Variants in CROCC observed in about 807,000 individuals in gnomAD.
The protein encoded by CROCC is rootletin.
CROCC carries 180 observed loss-of-function variants against 245.2 expected under a neutral mutation model. The observed-to-expected ratio is 0.73, with a 90% CI of 0.65 to 0.83. The LOEUF is 0.83. Ranked by LOEUF, CROCC falls within the 40% of genes least tolerant of loss-of-function variation. The pLI is 0.00. For missense variants in CROCC, 2,688 were observed against 2,779.4 expected (o/e 0.97, Z 0.74); for synonymous variants, 1,205 against 1,241.6 (o/e 0.97, Z 0.62).
At chr1:16,955,055 G>T (rs1426549500) in intron 23 of CROCC, among the ~76,000 whole-genome samples, 178 bp downstream of exon 23, 1 of 152,210 alleles carries the variant, frequency 6.6e-6, no homozygotes, top group Non-Finnish European at 1.5e-5. Context: ...GTACAGGTGG[G>T]ATTTGGCCTC....
At chr1:16,939,221 C>A (rs576719506) in intron 12 of CROCC, 79 bp downstream of exon 12, 1 of 561,564 alleles carries the variant, frequency 1.8e-6, no homozygotes, top group African/African-American at 2.1e-5. Context: ...GGGGCGGGGG[C>A]GGGGGCAGGT....
At chr1:16,925,557 G>A (rs1415435918) in intron 3 of CROCC, among the ~76,000 whole-genome samples, 1 of 152,294 alleles carries the variant, frequency 6.6e-6, no homozygotes, top group African/African-American at 2.4e-5. Flanking sequence ...GGCACAGCTG[G>A]CCCCCACAAA....
Position 16,950,779 on chromosome 1 carries a change from T to G in CROCC, c.2837-174T>G, listed in dbSNP as rs2311539. Among the ~76,000 whole-genome samples the G allele has an allele frequency of 1.2e-4, 19 of 152,288 alleles. No individual in the cohort carries two copies. In the South Asian group the frequency reaches 2.5e-3, roughly 20 times the overall value. Reference sequence around the variant, plus strand: ...TCAGGGCCAGTGGGCCCATGTAGCATATAGGGAAACTGAGGCCCAGAGAGG... The same window carrying G: ...TCAGGGCCAGTGGGCCCATGTAGCAGATAGGGAAACTGAGGCCCAGAGAGG... On this transcript the variant is annotated intron_variant, in intron 19 of 36. Transcript: ENST00000375541.
In CROCC at chr1:16,944,248, G is replaced by T; in HGVS notation, c.1957G>T (p.Asp653Tyr). 1 of 1,551,356 alleles carries T rather than the reference G, an allele frequency of 6.4e-7. No homozygotes were observed. The change falls in exon 14 of 37, where the codon GAT becomes TAT. Residue 653 changes from aspartate (D) to tyrosine (Y), a missense_variant. Asp to Tyr is a radical substitution (Grantham distance 160, BLOSUM62 -3). Coordinates refer to ENST00000375541, the MANE Select transcript of CROCC (RefSeq NM_014675.5). ...GGAAGAGCAGGAGGACGCAGTGCAG[G>T]ATGGCGCGCGGGTGCGCCGGGAGCT... ...LEEEQEDAVQDGARVRRELER... is the reference protein window; with the variant it reads ...LEEEQEDAVQYGARVRRELER...
At chr1:16,939,226 G>A (rs1458853606) in intron 12 of CROCC, 84 bp downstream of exon 12, 3 of 1,065,282 alleles carry the variant, frequency 2.8e-6, no homozygotes, top group Non-Finnish European at 3.8e-6. Context: ...GGGGGCGGGG[G>A]CAGGTCCGGG....
chr1:16,954,589 C>A lies in CROCC; in HGVS notation c.3322-145C>A. 2 of 1,197,312 alleles carry A rather than the reference C, an allele frequency of 1.7e-6. No homozygotes were observed. The highest frequency in any genetic ancestry group is 2.3e-6 in the Non-Finnish European group (2 of 868,192). The allele number at this position is 1,197,312 out of a possible 1,614,324, so 74.2% of individuals were successfully genotyped here. A position where few individuals can be genotyped will look rare whatever the true frequency, so the allele number is the denominator to read the frequency against. On this transcript the variant is annotated intron_variant, in intron 22 of 36. Transcript: ENST00000375541. The surrounding 1 kb of genome is among the most constrained non-coding windows in gnomAD (Gnocchi z 4.4). ...GGCTACACGGGCAGCACTCACTATGCATCCAGGGGTTGGCAGAGGGTCCGG... is the reference window on the plus strand; with the variant it reads ...GGCTACACGGGCAGCACTCACTATGAATCCAGGGGTTGGCAGAGGGTCCGG...
intron 1 of CROCC, among the ~76,000 whole-genome samples, chr1:16,914,129 CG>C (rs1465949648): frequency 6.6e-6 from 1 of 151,160 alleles, no homozygotes; most frequent in African/African-American, 2.4e-5. Context: ...GCGGCGAAGG[CG>C]CGCGAAGGTA....
At chr1:16,928,866 G>T (rs1352104649) in intron 3 of CROCC, among the ~76,000 whole-genome samples, 1 of 152,082 alleles carries the variant, frequency 6.6e-6, no homozygotes, top group African/African-American at 2.4e-5. Flanking sequence ...TTGCTCTGTC[G>T]CCCAGGCTGG....
In CROCC at chr1:16,939,127, C is replaced by G; in HGVS notation, c.1593C>G (p.Arg531=). ...LALIHSALHK[R]QLQVQDMRGR... Reference sequence around the variant, plus strand: ...TGATCCACTCCGCCCTGCACAAGCGCCAGCTGCAGGTCCAGGTAGGAAGGG... The same window carrying G: ...TGATCCACTCCGCCCTGCACAAGCGGCAGCTGCAGGTCCAGGTAGGAAGGG... Residue 531 remains arginine, a synonymous_variant, in exon 12 of 37, where the codon CGC becomes CGG. Transcript: ENST00000375541. The G allele has an allele frequency of 1.3e-6, 2 of 1,527,218 alleles. No homozygotes were observed. Among genetic ancestry groups the G allele is most frequent in the Non-Finnish European group, 1.7e-6 (2 of 1,148,676 alleles). The allele number at this position is 1,527,218 out of a possible 1,614,324, so 94.6% of individuals were successfully genotyped here. A position where few individuals can be genotyped will look rare whatever the true frequency, so the allele number is the denominator to read the frequency against.
At chr1:16,931,675 G>A (rs1369522024) in intron 8 of CROCC, among the ~76,000 whole-genome samples, 1 of 152,258 alleles carries the variant, frequency 6.6e-6, no homozygotes, top group Non-Finnish European at 1.5e-5. Flanking sequence ...TTACAGATGA[G>A]GACATTGTGG....
rs2076425812 is a variant in CROCC, at chr1:16,966,800, C to T, written c.4860+229C>T. On this transcript the variant is annotated intron_variant, in intron 30 of 36. Transcript: ENST00000375541. The surrounding 1 kb of genome is among the most constrained non-coding windows in gnomAD (Gnocchi z 4.8). Reference sequence around the variant, plus strand: ...TTGGTCAAGGTGCAGTAGCTCATGCCTGTAATCCTAGCACTTTGGGAGGTC... The same window carrying T: ...TTGGTCAAGGTGCAGTAGCTCATGCTTGTAATCCTAGCACTTTGGGAGGTC... 6.6e-6 allele frequency among the ~76,000 whole-genome samples: 1 copy of T among 152,176 alleles called. No homozygotes were observed. The highest frequency in any genetic ancestry group is 1.5e-5 in the Non-Finnish European group (1 of 68,032).
At position 16,966,667 on chromosome 1, in the gene CROCC, G is replaced by A. The variant is rs1275635769; in HGVS notation, c.4860+96G>A. 3 of 1,360,290 alleles carry A rather than the reference G, an allele frequency of 2.2e-6. No homozygotes were observed. Among genetic ancestry groups the A allele is most frequent in the South Asian group, 1.6e-5 (1 of 64,150 alleles). The allele number at this position is 1,360,290 out of a possible 1,614,324, so 84.3% of individuals were successfully genotyped here. On this transcript the variant is annotated intron_variant, in intron 30 of 36. Transcript: ENST00000375541. This position sits in a 1 kb window ranked among gnomAD's most constrained non-coding sequence, Gnocchi z 4.8. ...TGTGTCTCCCTGTGTCTGTCTGCCT[G>A]AGTCTCTCTGCAACCCACTGAGGTG...
intron 33 of CROCC, 104 bp downstream of exon 33, chr1:16,970,038 C>A: frequency 1.4e-6 from 2 of 1,397,192 alleles, no homozygotes; most frequent in Non-Finnish European, 1.9e-6. Context: ...CCTGGTGCAG[C>A]CTCCAGTAAG....
chr1:16,944,048 T>G, intron 13 of CROCC, 52 bp from the exon 14 acceptor site: 1 of 1,470,656 alleles, frequency 6.8e-7, no homozygotes, highest in Non-Finnish European at 9.1e-7. Flanking sequence ...CCACCTTCCC[T>G]GCAGAGAGCA....
intron 23 of CROCC, 69 bp from the exon 24 acceptor site, chr1:16,955,243 G>T: frequency 6.7e-7 from 1 of 1,483,706 alleles, no homozygotes; most frequent in Admixed American, 1.7e-5. Context: ...CCAGGGATCT[G>T]GGGTACAAGA....
At chr1:16,970,577 C>T in intron 34 of CROCC, 59 bp from the exon 35 acceptor site, 1 of 1,484,880 alleles carries the variant, frequency 6.7e-7, no homozygotes, top group Non-Finnish European at 9.0e-7. Flanking sequence ...GTTCAGGAAC[C>T]TGAGCCCCCT....
chr1:16,940,040 G>A lies in CROCC; in HGVS notation c.1755G>A (p.Glu585=). The A allele has an allele frequency of 6.2e-7, 1 of 1,610,832 alleles. No homozygotes were observed. The highest frequency in any genetic ancestry group is 8.5e-7 in the Non-Finnish European group (1 of 1,179,346). The stretch of plus-strand genomic sequence containing the variant: ...CCGACGGCGCCATGCAGGCCCACGA[G>A]GACGCCCAGCGCGAGGTGCAGCGGC... ...DKTDGAMQAH[E]DAQREVQRLR... Residue 585 remains glutamate, a synonymous_variant, in exon 13 of 37, where the codon GAG becomes GAA. Transcript: ENST00000375541.
intron 2 of CROCC, 21 bp from the exon 3 acceptor site, chr1:16,924,304 G>GTGCCCAC: frequency 6.2e-7 from 1 of 1,606,872 alleles, no homozygotes; most frequent in Non-Finnish European, 8.5e-7. Flanking sequence ...AGCCAACCAT[G>GTGCCCAC]TGCCCACTGT....
intron 8 of CROCC, among the ~76,000 whole-genome samples, chr1:16,932,013 A>T (rs1219313793): frequency 6.6e-6 from 1 of 151,950 alleles, no homozygotes; most frequent in Admixed American, 6.6e-5. Context: ...GCAATCAGCC[A>T]GCCTCAGCCT....
Sources: allele counts gnomAD v4.1 joint callset (sites outside exome capture counted in the v4.1 genomes callset), GRCh38; gene constraint gnomAD v4.1.1; non-coding constraint Gnocchi (gnomAD v3.1); transcripts MANE v1.5; gene names NCBI Gene and HGNC (gene_info 2026-07-23, HGNC 2026-07-21).